ZNF385D: variants seen among roughly 807,000 people sequenced by gnomAD.
The protein encoded by ZNF385D is zinc finger protein 385D.
Under a neutral mutation model 35.8 loss-of-function variants are expected in ZNF385D, and 15 were observed. The observed-to-expected ratio is 0.42, with a 90% CI of 0.28 to 0.64. The LOEUF is 0.64. ZNF385D is among the 30% of genes least tolerant of loss of function. The pLI is 0.23. For synonymous variants in ZNF385D, 212 were observed against 186.8 expected (o/e 1.13, Z -1.10); for missense variants, 474 against 494.6 (o/e 0.96, Z 0.39).
At chr3:21,610,735 A>G (rs1422077505) in intron 2 of ZNF385D, among the ~76,000 whole-genome samples, 1 of 151,562 alleles carries the variant, frequency 6.6e-6, no homozygotes, top group African/African-American at 2.4e-5. Flanking sequence ...AGATCGCGCC[A>G]CTGCACTCCA....
chr3:21,932,769 T>G (rs890155908), intron 3 of ZNF385D, among the ~76,000 whole-genome samples: 3 of 152,134 alleles, frequency 2.0e-5, no homozygotes, highest in Non-Finnish European at 4.4e-5. Context: ...TGATCATATT[T>G]GTCCCAGAAA....
chr3:22,257,558 C>A (rs1053570254), intron 2 of ZNF385D, among the ~76,000 whole-genome samples: 3 of 151,680 alleles, frequency 2.0e-5, no homozygotes, highest in African/African-American at 7.3e-5. Context: ...ACGTGGTTTT[C>A]TTCTATTTCA....
At chr3:22,120,943 A>T (rs1352999979) in intron 3 of ZNF385D, among the ~76,000 whole-genome samples, 1 of 152,314 alleles carries the variant, frequency 6.6e-6, no homozygotes, top group East Asian at 1.9e-4. Flanking sequence ...ACCAAAATGA[A>T]TCACCAAGTT....
intron 3 of ZNF385D, among the ~76,000 whole-genome samples, chr3:21,904,748 G>A (rs977044615): frequency 4.6e-5 from 7 of 152,070 alleles, no homozygotes; most frequent in Admixed American, 1.3e-4. Flanking sequence ...TAGATTTAGG[G>A]AGAAAGAATA....
At position 22,158,567 on chromosome 3, in the gene ZNF385D, G is replaced by A. The variant is rs149682213; in HGVS notation, c.325+10250C>T. ...AAGGAAAGAGAAGACATGTATCTGG[G>A]CTGCTATTTTTGAAAATTACTTTCT... On this transcript the variant is annotated intron_variant, in intron 3 of 5. Coordinates refer to the ZNF385D transcript ENST00000494108. Among the ~76,000 whole-genome samples the A allele has an allele frequency of 1.4e-3, 209 of 152,096 alleles. 1 individual carries two copies. Among genetic ancestry groups the A allele is most frequent in the African/African-American group, 4.6e-3 (189 of 41,508 alleles).
chr3:21,938,477 G>T (rs1701367168), intron 3 of ZNF385D, among the ~76,000 whole-genome samples: 1 of 152,288 alleles, frequency 6.6e-6, no homozygotes, highest in Non-Finnish European at 1.5e-5. Context: ...GCACATACAT[G>T]AATTAGACCT....
chr3:22,073,971 C>G lies in ZNF385D; in HGVS notation c.325+94846G>C, dbSNP rs148673114. On this transcript the variant is annotated intron_variant, in intron 3 of 5. Coordinates refer to the ZNF385D transcript ENST00000494108. The stretch of plus-strand genomic sequence containing the variant: ...GAACATCATTATTAAAAATCTATTC[C>G]TTGTTTCTGCTTATACTAAAGTACA... 1.4e-3 allele frequency among the ~76,000 whole-genome samples: 220 copies of G among 151,950 alleles called. 2 individuals carry two copies. In the East Asian group the frequency reaches 0.036, roughly 25 times the overall value.
Position 21,700,242 on chromosome 3 carries a change from G to T in ZNF385D, c.23-35214C>A, listed in dbSNP as rs566295374. ...TCAAGGAAGACCTCTCAATTAAGGT[G>T]ATACTGGTATAGGGACCAGAAGGAA... On this transcript the variant is annotated intron_variant, in intron 1 of 7. Coordinates refer to ENST00000281523, the MANE Select transcript of ZNF385D (RefSeq NM_024697.3). Among the ~76,000 whole-genome samples, 3 of 152,108 alleles carry T rather than the reference G, an allele frequency of 2.0e-5. No homozygotes were observed. In the South Asian group the frequency reaches 6.2e-4, roughly 32 times the overall value.
intron 3 of ZNF385D, among the ~76,000 whole-genome samples, chr3:22,063,401 G>A (rs1475487214): frequency 6.6e-6 from 1 of 151,994 alleles, no homozygotes; most frequent in African/African-American, 2.4e-5. Context: ...GAGTTACAGA[G>A]AGCCTAGTTT....
chr3:21,885,390 A>T (rs1253724492), intron 3 of ZNF385D, among the ~76,000 whole-genome samples: 1 of 151,998 alleles, frequency 6.6e-6, no homozygotes, highest in Non-Finnish European at 1.5e-5. Flanking sequence ...CTTATACCCT[A>T]ATATTGTGAC....
At chr3:21,509,830 A>G (rs1245373433) in intron 4 of ZNF385D, among the ~76,000 whole-genome samples, 1 of 152,206 alleles carries the variant, frequency 6.6e-6, no homozygotes, top group Non-Finnish European at 1.5e-5. Context: ...TAAGAATATC[A>G]TTATCCCTTA....
chr3:22,030,276 T>TCCTATACAAATAACAAATAGG (rs1210458458), intron 3 of ZNF385D, among the ~76,000 whole-genome samples: 5 of 103,586 alleles, frequency 4.8e-5, no homozygotes, highest in East Asian at 2.9e-4. Flanking sequence ...TATATATATA[T>TCCTATACAAATAACAAATAGG]ATATATATAT....
intron 3 of ZNF385D, among the ~76,000 whole-genome samples, chr3:21,805,859 C>G (rs796403881): frequency 6.6e-6 from 1 of 152,120 alleles, no homozygotes; most frequent in Non-Finnish European, 1.5e-5. Flanking sequence ...GAAAATGAAC[C>G]ATTTTTCCCT....
rs1331224331 is a variant in ZNF385D, at chr3:22,359,074, C to A, written c.106+13376G>T. Among the ~76,000 whole-genome samples, 64 of 122,914 alleles carry A rather than the reference C, an allele frequency of 5.2e-4. 1 individual carries two copies. The South Asian group carries it at 7.7e-3, about 15-fold the overall frequency. The allele number at this position is 122,914 out of a possible 152,430, so 80.6% of individuals were successfully genotyped here. A position where few individuals can be genotyped will look rare whatever the true frequency, so the allele number is the denominator to read the frequency against. The stretch of plus-strand genomic sequence containing the variant: ...CAAACAAACAAACAAACAAAAAAAC[C>A]AAAAAAAAAAACAAAAAACAAGAAA... On this transcript the variant is annotated intron_variant, in intron 2 of 5. Transcript: ENST00000494108.
intron 3 of ZNF385D, among the ~76,000 whole-genome samples, chr3:21,966,572 G>A (rs1576030034): frequency 1.3e-5 from 2 of 152,078 alleles, no homozygotes; most frequent in African/African-American, 4.8e-5. Context: ...TCAACTAGCA[G>A]GTTTACTTCT....
chr3:22,339,400 A>G (rs778559826), intron 2 of ZNF385D, among the ~76,000 whole-genome samples: 2 of 152,204 alleles, frequency 1.3e-5, no homozygotes, highest in Admixed American at 6.5e-5. Flanking sequence ...ATCAAATACT[A>G]TGTGCCATAT....
rs150484336 is a variant in ZNF385D at position 21,938,182 on chromosome 3, C to T, written c.325+230635G>A. 1.9e-3 allele frequency among the ~76,000 whole-genome samples: 295 copies of T among 152,264 alleles called. 1 individual carries two copies. Among genetic ancestry groups the T allele is most frequent in the African/African-American group, 6.8e-3 (281 of 41,560 alleles). On this transcript the variant is annotated intron_variant, in intron 3 of 5. Transcript: ENST00000494108. ...GATTTGTAAATGTACCCATTTTAGT[C>T]GGATAATTTGTTCTAATACCTAAGT...
chr3:21,974,581 T>A (rs1344883542), intron 3 of ZNF385D, among the ~76,000 whole-genome samples: 3 of 152,030 alleles, frequency 2.0e-5, no homozygotes, highest in Non-Finnish European at 4.4e-5. Context: ...TGGGTTCACA[T>A]CAAGTAAACA....
At chr3:22,062,581 A>C (rs1005481575) in intron 3 of ZNF385D, among the ~76,000 whole-genome samples, 26 of 152,294 alleles carry the variant, frequency 1.7e-4, no homozygotes, top group African/African-American at 6.3e-4. Context: ...AATATTTAAC[A>C]TTGTGGTGGT....
Sources: gnomAD v4.1 joint callset for allele counts (sites outside exome capture counted in the v4.1 genomes callset) on GRCh38, gnomAD v4.1.1 for gene constraint, MANE v1.5 for transcripts, NCBI Gene and HGNC (gene_info 2026-07-23, HGNC 2026-07-21) for gene names.